ENPP2: variants seen among roughly 807,000 people sequenced by gnomAD.
ENPP2 encodes the protein autotaxin.
A neutral mutation model predicts 120.2 loss-of-function variants in ENPP2; 51 were observed. The observed-to-expected ratio is 0.42, with a 90% CI of 0.34 to 0.54. ENPP2 has a LOEUF of 0.54. Ranked by LOEUF, ENPP2 falls within the 20% of genes least tolerant of loss-of-function variation. ENPP2 has a pLI of 0.04. For missense variants in ENPP2, 920 were observed against 1,066.5 expected, an observed-to-expected ratio of 0.86 and a Z score of 1.91; for synonymous variants, 365 against 366.4, an observed-to-expected ratio of 1.00 and a Z score of 0.04.
In ENPP2 at chr8:119,617,159, C is replaced by T. The variant is rs1815513915; in HGVS notation, c.657+5G>A. 6.3e-7 allele frequency: 1 copy of T among 1,594,140 alleles called. No homozygotes were observed. Among genetic ancestry groups the T allele is most frequent in the African/African-American group, 1.3e-5 (1 of 74,474 alleles). ...TGAATGTGTATCATTCGAAAAAATA[C>T]TTACAGTGGCCAAAGTGTATAAGTT... On this transcript the variant is annotated splice_donor_5th_base_variant and intron_variant, in intron 7 of 24. Coordinates refer to ENST00000075322, the MANE Select transcript of ENPP2 (RefSeq NM_001040092.3).
intron 2 of ENPP2, among the ~76,000 whole-genome samples, chr8:119,629,885 A>C (rs1424533776): frequency 6.6e-6 from 1 of 152,228 alleles, no homozygotes; most frequent in Non-Finnish European, 1.5e-5. Flanking sequence ...TTCCTTAAGG[A>C]TACTGCTTAG....
At chr8:119,664,552 T>G (rs985431432) in intron 1 of ENPP2, among the ~76,000 whole-genome samples, 1 of 152,260 alleles carries the variant, frequency 6.6e-6, no homozygotes, top group South Asian at 2.1e-4. Flanking sequence ...AATGTTGTAC[T>G]GAGTGTTACC....
intron 9 of ENPP2, among the ~76,000 whole-genome samples, chr8:119,603,656 C>A (rs1052390133): frequency 2.0e-5 from 3 of 152,106 alleles, no homozygotes; most frequent in Non-Finnish European, 4.4e-5. Context: ...TAGAATAGTG[C>A]TGGGCACATA....
At chr8:119,565,873 C>T (rs927608991) in intron 22 of ENPP2, among the ~76,000 whole-genome samples, 3 of 151,388 alleles carry the variant, frequency 2.0e-5, no homozygotes, top group East Asian at 2.0e-4. Flanking sequence ...TTCTCTTGCA[C>T]GCACATGCAC....
chr8:119,600,678 C>G lies in ENPP2; in HGVS notation c.972G>C (p.Glu324Asp). Residue 324 changes from glutamate to aspartate, a missense_variant and splice_region_variant, in exon 11 of 25, where the codon GAG becomes GAC. By Grantham distance (45) the Glu-to-Asp change is conservative. Transcript: ENST00000075322. ...CTCAGGCAGATGCTAAACCACTAAC[C>G]TCAGGGCCGAAAGGGCCATATTTGT... ...SGHKYGPFGP[E>D]MTNPLREIDK... is the part of the protein sequence containing the mutation. 6.2e-7 allele frequency: 1 copy of G among 1,604,756 alleles called. No individual in the cohort carries two copies.
chr8:119,673,327 C>CAA (rs1436145036), exon 1 of ENPP2: 2 of 1,532,644 alleles, frequency 1.3e-6, no homozygotes, highest in African/African-American at 2.7e-5. Flanking sequence ...GCGGCCTGGG[C>CAA]TGCAGCCCCG....
chr8:119,563,146 T>C, intron 23 of ENPP2, 133 bp from the exon 24 acceptor site: 1 of 714,428 alleles, frequency 1.4e-6, no homozygotes, highest in South Asian at 1.9e-5. Context: ...TTTTCACTTC[T>C]AAGCACTAGC....
chr8:119,618,698 T>C (rs1311611498), intron 5 of ENPP2, among the ~76,000 whole-genome samples: 3 of 151,738 alleles, frequency 2.0e-5, no homozygotes, highest in African/African-American at 7.3e-5. Flanking sequence ...GGCTAATTTT[T>C]TTTGTATTTT....
chr8:119,630,158 G>T (rs1268926626), intron 2 of ENPP2, among the ~76,000 whole-genome samples: 2 of 151,724 alleles, frequency 1.3e-5, no homozygotes, highest in Non-Finnish European at 2.9e-5. Context: ...GCCCAGGCTG[G>T]AGTGCAATGG....
chr8:119,636,133 C>G (rs1481085175), intron 2 of ENPP2, among the ~76,000 whole-genome samples: 1 of 152,170 alleles, frequency 6.6e-6, no homozygotes, highest in African/African-American at 2.4e-5. Context: ...CTGCCTCCTC[C>G]CCACCTAGTG....
chr8:119,576,592 A>T (rs976992159), intron 19 of ENPP2, among the ~76,000 whole-genome samples: 4 of 152,244 alleles, frequency 2.6e-5, no homozygotes, highest in Non-Finnish European at 5.9e-5. Context: ...TTTTATAGCA[A>T]TGTAAATAGA....
At chr8:119,673,379 C>T in exon 1 of ENPP2, 2 of 1,263,728 alleles carry the variant, frequency 1.6e-6, no homozygotes, top group Non-Finnish European at 2.2e-6. Flanking sequence ...GCGGACTGCT[C>T]TTGTTTGCAC....
intron 11 of ENPP2, among the ~76,000 whole-genome samples, chr8:119,597,556 T>G (rs1464272305): frequency 6.6e-6 from 1 of 152,178 alleles, no homozygotes; most frequent in Non-Finnish European, 1.5e-5. Context: ...CCTGAGGTTA[T>G]TAAGAGGATG....
At chr8:119,627,843 C>G (rs1162441242) in intron 2 of ENPP2, among the ~76,000 whole-genome samples, 2 of 144,758 alleles carry the variant, frequency 1.4e-5, no homozygotes, top group African/African-American at 2.6e-5. Context: ...GCCTGGGTAA[C>G]AGAGTGAAAC....
chr8:119,578,853 G>A (rs1812531024), intron 19 of ENPP2, among the ~76,000 whole-genome samples: 1 of 152,198 alleles, frequency 6.6e-6, no homozygotes, highest in Admixed American at 6.5e-5. Flanking sequence ...GAAGAAGGAG[G>A]CAGATGAAGA....
chr8:119,626,591 T>A lies in ENPP2; in HGVS notation c.266A>T (p.Asp89Val), dbSNP rs1286515051. ...TGTCTTCAAACACAGCTCATCAAAG[T>A]CATGGCAGCAACTGGTATAGCTCTT... ...LCKSYTSCCH[D>V]FDELCLKTAR... is the part of the protein sequence containing the mutation. Residue 89 changes from aspartate to valine, a missense_variant, in exon 3 of 25, where the codon GAC (aspartate) becomes GTC (valine). Coordinates refer to ENST00000075322, the MANE Select transcript of ENPP2 (RefSeq NM_001040092.3). The A allele has an allele frequency of 1.2e-6, 2 of 1,613,884 alleles. No individual in the cohort carries two copies. The highest frequency in any genetic ancestry group is 1.3e-5 in the African/African-American group (1 of 74,936).
chr8:119,663,909 T>C (rs1005763158), intron 1 of ENPP2, among the ~76,000 whole-genome samples: 6 of 152,264 alleles, frequency 3.9e-5, no homozygotes, highest in Non-Finnish European at 4.4e-5. Context: ...CTCGAATATA[T>C]CCAAAATATC....
At chr8:119,568,114 G>A in intron 22 of ENPP2, 61 bp downstream of exon 22, 1 of 865,932 alleles carries the variant, frequency 1.2e-6, no homozygotes, top group Non-Finnish European at 2.0e-6. Flanking sequence ...AAAGGTAAGG[G>A]GTAAATTTAG....
intron 1 of ENPP2, among the ~76,000 whole-genome samples, chr8:119,665,176 A>G (rs1452578589): frequency 6.6e-6 from 1 of 152,198 alleles, no homozygotes; most frequent in African/African-American, 2.4e-5. Context: ...GTCACCTTCT[A>G]AGGAACTGGG....
Sources: allele counts gnomAD v4.1 joint callset (sites outside exome capture counted in the v4.1 genomes callset), GRCh38; gene constraint gnomAD v4.1.1; transcripts MANE v1.5; gene names NCBI Gene and HGNC (gene_info 2026-07-23, HGNC 2026-07-21).